The following PCDH9 variants were observed in gnomAD, a reference collection of about 807,000 sequenced individuals.
PCDH9 encodes protocadherin 9.
A neutral mutation model predicts 70.6 loss-of-function variants in PCDH9; 24 were observed. That is an observed-to-expected ratio of 0.34 (90% CI 0.25 to 0.48). PCDH9 has a LOEUF of 0.48. Ranked by LOEUF, PCDH9 falls within the 20% of genes least tolerant of loss-of-function variation. The pLI is 0.99. For missense variants in PCDH9, 1,281 were observed against 1,503.6 expected (o/e 0.85, Z 2.45); for synonymous variants, 562 against 558.5 (o/e 1.01, Z -0.09).
intron 2 of PCDH9, among the ~76,000 whole-genome samples, chr13:67,193,994 G>T (rs2088990108): frequency 6.6e-6 from 1 of 151,960 alleles, no homozygotes; most frequent in South Asian, 2.1e-4. Context: ...CATACCTATA[G>T]GTTATTTACA....
chr13:66,730,865 TG>T, intron 3 of PCDH9, among the ~76,000 whole-genome samples: 2 of 37,738 alleles, frequency 5.3e-5, no homozygotes, highest in African/African-American at 1.7e-4. Flanking sequence ...TTTGTTTTTT[TG>T]TGTGTGTGTG....
intron 4 of PCDH9, among the ~76,000 whole-genome samples, chr13:66,320,693 G>T (rs1013434276): frequency 1.3e-5 from 2 of 151,860 alleles, no homozygotes; most frequent in Admixed American, 1.3e-4. Context: ...GGGAGAATCT[G>T]TATCTATATG....
intron 4 of PCDH9, among the ~76,000 whole-genome samples, chr13:66,584,705 C>G (rs971185707): frequency 2.0e-5 from 3 of 152,058 alleles, no homozygotes; most frequent in Non-Finnish European, 2.9e-5. Context: ...ACTAGTAATT[C>G]AAACAGCATT....
At chr13:66,537,103 AG>A (rs1475499120) in intron 4 of PCDH9, among the ~76,000 whole-genome samples, 4 of 152,154 alleles carry the variant, frequency 2.6e-5, no homozygotes, top group African/African-American at 9.6e-5. Flanking sequence ...CTGAATGCAT[AG>A]CTATCAAGCA....
intron 3 of PCDH9, among the ~76,000 whole-genome samples, chr13:66,870,821 T>A (rs1234197656): frequency 2.0e-5 from 3 of 152,106 alleles, no homozygotes; most frequent in Non-Finnish European, 4.4e-5. Context: ...ATTGTGGAAG[T>A]CAGTGTGGTG....
chr13:67,089,620 A>G (rs2086176826), intron 2 of PCDH9, among the ~76,000 whole-genome samples: 1 of 152,074 alleles, frequency 6.6e-6, no homozygotes, highest in Non-Finnish European at 1.5e-5. Context: ...ACTTGGACAA[A>G]AAATGAGCTC....
intron 4 of PCDH9, among the ~76,000 whole-genome samples, chr13:66,373,938 A>G (rs1956703977): frequency 6.6e-6 from 1 of 152,138 alleles, no homozygotes. Context: ...AGGATTATTC[A>G]GAATTTCAAA....
intron 3 of PCDH9, among the ~76,000 whole-genome samples, chr13:66,672,886 C>T (rs1391616231): frequency 1.3e-5 from 2 of 152,122 alleles, no homozygotes; most frequent in Non-Finnish European, 2.9e-5. Context: ...GCCTGTATTC[C>T]CATTGTATCT....
chr13:67,228,010 G>A lies in PCDH9; in HGVS notation c.431C>T (p.Ser144Phe). The change falls in exon 2 of 5, where the codon TCT (serine) becomes TTT (phenylalanine). Residue 144 changes from serine (S) to phenylalanine (F), a missense_variant. Coordinates refer to ENST00000377865, the MANE Select transcript of PCDH9 (RefSeq NM_203487.3). ...DTNDNAPMFP[S>F]PVINISIPEN... ...TGGAATGGAAATATTGATGACAGGAGATGGAAACATGGGGGCATTATCATT... is the reference window on the plus strand; with the variant it reads ...TGGAATGGAAATATTGATGACAGGAAATGGAAACATGGGGGCATTATCATT... The A allele has an allele frequency of 6.2e-7, 1 of 1,614,032 alleles. No homozygotes were observed. The highest frequency in any genetic ancestry group is 8.5e-7 in the Non-Finnish European group (1 of 1,179,928).
intron 3 of PCDH9, among the ~76,000 whole-genome samples, chr13:66,747,630 C>T (rs920500358): frequency 6.6e-6 from 1 of 151,890 alleles, no homozygotes; most frequent in African/African-American, 2.4e-5. Flanking sequence ...TATTAATATA[C>T]AGGCATACAT....
chr13:66,831,756 G>A (rs1306794270), intron 3 of PCDH9, among the ~76,000 whole-genome samples: 1 of 152,094 alleles, frequency 6.6e-6, no homozygotes, highest in African/African-American at 2.4e-5. Context: ...GATTTATAAT[G>A]TGAGTCACCA....
intron 4 of PCDH9, among the ~76,000 whole-genome samples, chr13:66,408,585 TA>T (rs1957322077): frequency 6.6e-6 from 1 of 152,224 alleles, no homozygotes; most frequent in East Asian, 1.9e-4. Flanking sequence ...TAGTAGAACC[TA>T]CTATAAACAT....
intron 4 of PCDH9, among the ~76,000 whole-genome samples, chr13:66,354,923 T>C (rs139289566): frequency 4.6e-5 from 7 of 152,260 alleles, no homozygotes; most frequent in Middle Eastern, 3.4e-3. Context: ...TTTCGAACCT[T>C]CATGTGCATA....
At chr13:66,348,424 G>A (rs1047536471) in intron 4 of PCDH9, among the ~76,000 whole-genome samples, 1 of 149,768 alleles carries the variant, frequency 6.7e-6, no homozygotes, top group African/African-American at 2.5e-5. Context: ...TTGAGACAGA[G>A]TCTCAGCCTG....
intron 4 of PCDH9, among the ~76,000 whole-genome samples, chr13:66,342,888 C>T (rs976282773): frequency 5.3e-5 from 8 of 151,930 alleles, no homozygotes; most frequent in Admixed American, 1.3e-4. Flanking sequence ...TTGGACAATC[C>T]GCCCACCTCA....
At chr13:67,216,692 A>ATATATATATG (rs1483076175) in intron 2 of PCDH9, 16 of 140,504 alleles carry the variant, frequency 1.1e-4, no homozygotes, top group Non-Finnish European at 2.0e-4. Context: ...ACATATATAT[A>ATATATATATG]TATATATATA....
At chr13:66,634,393 C>T (rs1257654232) in intron 3 of PCDH9, among the ~76,000 whole-genome samples, 1 of 152,112 alleles carries the variant, frequency 6.6e-6, no homozygotes, top group East Asian at 1.9e-4. Flanking sequence ...AGGAGATGAA[C>T]TGAATAAATT....
chr13:66,968,699 T>C (rs1452736349), intron 2 of PCDH9, among the ~76,000 whole-genome samples: 1 of 152,026 alleles, frequency 6.6e-6, no homozygotes. Flanking sequence ...AAATCATTGT[T>C]AAAAAATAGT....
intron 4 of PCDH9, among the ~76,000 whole-genome samples, chr13:66,358,818 T>C (rs1378807969): frequency 1.3e-5 from 2 of 151,998 alleles, no homozygotes; most frequent in African/African-American, 2.4e-5. Context: ...CCAAGGTGAT[T>C]TATAGACAGA....
Sources: gnomAD v4.1 joint callset for allele counts (sites outside exome capture counted in the v4.1 genomes callset) on GRCh38, gnomAD v4.1.1 for gene constraint, MANE v1.5 for transcripts, NCBI Gene and HGNC (gene_info 2026-07-23, HGNC 2026-07-21) for gene names.